Variants in PLCB4 observed in about 807,000 individuals in gnomAD.
The protein encoded by PLCB4 is phospholipase C beta 4, also known as 1-phosphatidylinositol 4,5-bisphosphate phosphodiesterase beta-4.
A neutral mutation model predicts 178.8 loss-of-function variants in PLCB4; 77 were observed. The ratio of observed to expected loss-of-function variants is 0.43; its 90% CI spans 0.36 to 0.52. The LOEUF is 0.52. PLCB4 is among the 20% of genes least tolerant of loss of function. The probability of loss-of-function intolerance (pLI) is 0.00; values close to 1 mark genes in which losing one functional copy is unlikely to be tolerated. For synonymous variants in PLCB4, 496 were observed against 490.8 expected, an observed-to-expected ratio of 1.01 and a Z score of -0.14; for missense variants, 1,024 against 1,453.4, an observed-to-expected ratio of 0.70 and a Z score of 4.80.
chr20:9,303,286 T>C (rs948355795), intron 3 of PLCB4, among the ~76,000 whole-genome samples: 1 of 152,190 alleles, frequency 6.6e-6, no homozygotes, highest in African/African-American at 2.4e-5. Context: ...GTCAAACTTA[T>C]TTCTTCTGTG....
At chr20:9,292,724 A>C (rs2094591042) in intron 3 of PLCB4, among the ~76,000 whole-genome samples, 1 of 152,150 alleles carries the variant, frequency 6.6e-6, no homozygotes. Flanking sequence ...AGAACAAAAC[A>C]CTGTGAACAG....
chr20:9,099,148 TCTCATAATCAAAGAAG>T (rs2091044752), intron 2 of PLCB4, among the ~76,000 whole-genome samples: 1 of 152,082 alleles, frequency 6.6e-6, no homozygotes, highest in South Asian at 2.1e-4. Flanking sequence ...TAAACATGGT[TCTCATAATCAAAGAAG>T]CTCATAATCA....
At chr20:9,419,133 C>T (rs1333658241) in intron 25 of PLCB4, among the ~76,000 whole-genome samples, 1 of 151,828 alleles carries the variant, frequency 6.6e-6, no homozygotes, top group Non-Finnish European at 1.5e-5. Context: ...TCCTTCTTTC[C>T]AATCTGGATG....
intron 7 of PLCB4, among the ~76,000 whole-genome samples, chr20:9,345,606 A>G (rs2033719249): frequency 6.6e-6 from 1 of 152,244 alleles, no homozygotes; most frequent in Non-Finnish European, 1.5e-5. Flanking sequence ...TCCTTTGATT[A>G]CAAAAAATAA....
At chr20:9,335,926 C>A (rs564338749) in intron 4 of PLCB4, among the ~76,000 whole-genome samples, 2 of 152,226 alleles carry the variant, frequency 1.3e-5, no homozygotes, top group East Asian at 3.9e-4. Flanking sequence ...TGTTCAGGGA[C>A]CCCTAGGACT....
chr20:9,236,462 G>C (rs775413435), intron 3 of PLCB4, among the ~76,000 whole-genome samples: 1 of 152,048 alleles, frequency 6.6e-6, no homozygotes, highest in African/African-American at 2.4e-5. Flanking sequence ...TTGCAAATAC[G>C]ACTCTCTGGA....
intron 38 of PLCB4, among the ~76,000 whole-genome samples, chr20:9,474,799 C>T (rs2044435138): frequency 6.6e-6 from 1 of 152,192 alleles, no homozygotes; most frequent in African/African-American, 2.4e-5. Context: ...CATCAACATA[C>T]TTCCTAGTTA....
At chr20:9,281,413 C>G (rs896616110) in intron 3 of PLCB4, among the ~76,000 whole-genome samples, 4 of 151,884 alleles carry the variant, frequency 2.6e-5, no homozygotes, top group African/African-American at 9.7e-5. Flanking sequence ...CAATATTTTT[C>G]TTACAATGAG....
intron 3 of PLCB4, among the ~76,000 whole-genome samples, chr20:9,293,346 G>A (rs1248734100): frequency 6.8e-6 from 1 of 146,238 alleles, no homozygotes; most frequent in African/African-American, 2.6e-5. Flanking sequence ...CAGAAAGAGA[G>A]GAAGAGAGGA....
chr20:9,280,759 G>A (rs2094488014), intron 3 of PLCB4, among the ~76,000 whole-genome samples: 1 of 151,852 alleles, frequency 6.6e-6, no homozygotes, highest in Non-Finnish European at 1.5e-5. Flanking sequence ...TCCTTACTGA[G>A]CATGCTGAAG....
At chr20:9,100,376 T>C (rs1298433968) in intron 2 of PLCB4, among the ~76,000 whole-genome samples, 2 of 152,226 alleles carry the variant, frequency 1.3e-5, no homozygotes, top group Non-Finnish European at 2.9e-5. Flanking sequence ...TTATTTGTTA[T>C]TGTTAATTTT....
intron 4 of PLCB4, 112 bp downstream of exon 4, chr20:9,308,010 A>G (rs529479589): frequency 1.9e-6 from 1 of 513,312 alleles, no homozygotes; most frequent in African/African-American, 1.9e-5. Flanking sequence ...TTTAGGATTT[A>G]TAGGTTGGAG....
intron 2 of PLCB4, among the ~76,000 whole-genome samples, chr20:9,158,920 A>G (rs2092837005): frequency 6.6e-6 from 1 of 152,156 alleles, no homozygotes; most frequent in Admixed American, 6.5e-5. Context: ...ATCACCTTGT[A>G]GTTTATTAGT....
At chr20:9,191,779 C>G (rs2093407721) in intron 2 of PLCB4, among the ~76,000 whole-genome samples, 1 of 152,078 alleles carries the variant, frequency 6.6e-6, no homozygotes, top group African/African-American at 2.4e-5. Context: ...TATTAAGCAT[C>G]TCACAGGTAC....
At chr20:9,231,660 C>G (rs1451404016) in intron 3 of PLCB4, among the ~76,000 whole-genome samples, 6 of 151,992 alleles carry the variant, frequency 3.9e-5, no homozygotes, top group African/African-American at 1.2e-4. Context: ...TGTGTAGAGT[C>G]TGAAAATTTC....
intron 2 of PLCB4, among the ~76,000 whole-genome samples, chr20:9,152,265 T>C (rs966985718): frequency 5.3e-5 from 8 of 152,172 alleles, no homozygotes; most frequent in Admixed American, 2.0e-4. Flanking sequence ...GAGCCTAATG[T>C]TAATCCCCAA....
Position 9,473,330 on chromosome 20 carries a change from G to A in PLCB4, c.3460G>A (p.Glu1154Lys), listed in dbSNP as rs773844589. ...EMDQLKKVQL[E>K]HLEFLEKQNE... The stretch of plus-strand genomic sequence containing the variant: ...GGATCAGTTGAAAAAAGTCCAGCTT[G>A]AACATCTAGAATTCCTAGAGAAACA... Residue 1154 changes from glutamate to lysine, a missense_variant, in exon 38 of 40, where the codon GAA becomes AAA. Glu to Lys is a moderately conservative substitution (Grantham distance 56, BLOSUM62 1). Transcript: ENST00000378473. 2 of 1,582,280 alleles carry A rather than the reference G, an allele frequency of 1.3e-6. No homozygotes were observed. Among genetic ancestry groups the A allele is most frequent in the Admixed American group, 3.5e-5 (2 of 57,742 alleles).
chr20:9,452,073 A>T (rs2042802565), intron 32 of PLCB4, among the ~76,000 whole-genome samples: 1 of 152,084 alleles, frequency 6.6e-6, no homozygotes, highest in African/African-American at 2.4e-5. Flanking sequence ...GAATCTCCCT[A>T]TCCAGCATCA....
intron 2 of PLCB4, among the ~76,000 whole-genome samples, chr20:9,203,600 G>T (rs2093577577): frequency 6.6e-6 from 1 of 152,052 alleles, no homozygotes; most frequent in Non-Finnish European, 1.5e-5. Flanking sequence ...AATGTGATAG[G>T]CACTTTTCGT....
Sources: gnomAD v4.1 joint callset for allele counts (sites outside exome capture counted in the v4.1 genomes callset) on GRCh38, gnomAD v4.1.1 for gene constraint, MANE v1.5 for transcripts, NCBI Gene and HGNC (gene_info 2026-07-23, HGNC 2026-07-21) for gene names.